Variants in USP47 observed in about 807,000 individuals in gnomAD.
USP47 encodes the protein ubiquitin carboxyl-terminal hydrolase 47.
A neutral mutation model predicts 165.1 loss-of-function variants in USP47; 35 were observed. That is an observed-to-expected ratio of 0.21 (90% CI 0.16 to 0.28). The LOEUF (loss-of-function observed/expected upper bound fraction) is 0.28. Ranked by LOEUF, USP47 falls within the 10% of genes least tolerant of loss-of-function variation. The pLI, the probability that USP47 is intolerant of heterozygous loss-of-function variation, is 1.00. For synonymous variants in USP47, 531 were observed against 544.5 expected (o/e 0.98, Z 0.35); for missense variants, 1,277 against 1,607.4 (o/e 0.79, Z 3.52).
intron 1 of USP47, among the ~76,000 whole-genome samples, chr11:11,849,926 A>C (rs61870712): frequency 0.017 from 2,566 of 152,286 alleles, 34 homozygotes; most frequent in Middle Eastern, 0.034. Flanking sequence ...ATTTTTTCTC[A>C]GAATTTTGAA....
chr11:11,855,410 G>A (rs1045554775), intron 1 of USP47, among the ~76,000 whole-genome samples: 2 of 152,196 alleles, frequency 1.3e-5, no homozygotes, highest in Non-Finnish European at 2.9e-5. Flanking sequence ...GTACTATGAT[G>A]ATGCTTTAAA....
chr11:11,879,258 G>C, intron 1 of USP47, among the ~76,000 whole-genome samples: 1 of 152,120 alleles, frequency 6.6e-6, no homozygotes, highest in South Asian at 2.1e-4. Flanking sequence ...AGGTAGAATT[G>C]ATAGGTTTTG....
At chr11:11,933,780 G>C (rs751266285) in intron 15 of USP47, 51 bp from the exon 16 acceptor site, 1 of 1,283,976 alleles carries the variant, frequency 7.8e-7, no homozygotes, top group African/African-American at 1.5e-5. Context: ...ATCTACGGAA[G>C]AATTGAACTT....
intron 1 of USP47, among the ~76,000 whole-genome samples, chr11:11,874,338 C>A (rs528331086): frequency 1.3e-5 from 2 of 152,028 alleles, no homozygotes; most frequent in African/African-American, 4.8e-5. Flanking sequence ...GTTTTTTCCC[C>A]AGAGTTGCTC....
intron 27 of USP47, 58 bp from the exon 28 acceptor site, chr11:11,955,943 C>G (rs918277670): frequency 7.5e-7 from 1 of 1,341,124 alleles, no homozygotes; most frequent in Non-Finnish European, 1.0e-6. Flanking sequence ...TTCAAGCATA[C>G]ATTAATAGAG....
rs1435866368 is a variant in USP47, at chr11:11,936,334, A to G, written c.1901A>G (p.Asp634Gly). The change falls in exon 17 of 28, where the codon GAT becomes GGT. Residue 634 changes from aspartate to glycine, a missense_variant. Asp to Gly is a moderately conservative substitution (Grantham distance 94). Coordinates refer to ENST00000527733, the MANE Select transcript of USP47 (RefSeq NM_001282659.2). ...MMDLEEVIPLDCCRLVKYDEF... is the reference protein window; with the variant it reads ...MMDLEEVIPLGCCRLVKYDEF... Reference sequence around the variant, plus strand: ...GATTTAGAAGAGGTAATACCCCTGGATTGCTGTCGCCTTGTTAAATATGAT... The same window carrying G: ...GATTTAGAAGAGGTAATACCCCTGGGTTGCTGTCGCCTTGTTAAATATGAT... 6.2e-7 allele frequency: 1 copy of G among 1,603,060 alleles called. No individual in the cohort carries two copies. The highest frequency in any genetic ancestry group is 1.1e-5 in the South Asian group (1 of 89,618).
At chr11:11,855,026 C>G (rs759110176) in intron 1 of USP47, among the ~76,000 whole-genome samples, 8 of 150,438 alleles carry the variant, frequency 5.3e-5, no homozygotes, top group Non-Finnish European at 8.9e-5. Flanking sequence ...ACCCGGGAGG[C>G]GGAGTTTGCA....
At position 11,942,398 on chromosome 11, in the gene USP47, A is replaced by G. The variant is rs1213414061; in HGVS notation, c.2377A>G (p.Lys793Glu). ...GGCCTTTGCAGACTCTCATTTATGG[A>G]AACTCCTGGATCGGCATGCAAATAC... ...QMAFADSHLW[K>E]LLDRHANTIR... Residue 793 changes from lysine (K) to glutamate (E), a missense_variant, in exon 20 of 28, where the codon AAA becomes GAA. Transcript: ENST00000527733. The G allele has an allele frequency of 6.2e-7, 1 of 1,613,296 alleles. No homozygotes were observed. The highest frequency in any genetic ancestry group is 8.5e-7 in the Non-Finnish European group (1 of 1,179,568).
intron 5 of USP47, among the ~76,000 whole-genome samples, chr11:11,900,602 G>A (rs781367657): frequency 4.6e-5 from 7 of 152,144 alleles, no homozygotes; most frequent in Non-Finnish European, 8.8e-5. Context: ...AGAGAACCCC[G>A]GAGGAATCTG....
At chr11:11,929,778 A>G (rs1354732618) in intron 12 of USP47, among the ~76,000 whole-genome samples, 1 of 152,136 alleles carries the variant, frequency 6.6e-6, no homozygotes, top group Non-Finnish European at 1.5e-5. Context: ...CTTGCTGAAT[A>G]TCTCCAGAGA....
intron 3 of USP47, 132 bp downstream of exon 3, chr11:11,884,712 G>T: frequency 3.2e-6 from 2 of 631,540 alleles, no homozygotes; most frequent in Non-Finnish European, 5.4e-6. Flanking sequence ...TTCATTTTAT[G>T]TTGGTTTGTT....
intron 1 of USP47, among the ~76,000 whole-genome samples, chr11:11,876,386 A>T (rs533491390): frequency 1.3e-5 from 2 of 152,268 alleles, no homozygotes; most frequent in East Asian, 3.9e-4. Context: ...CAGCACCATC[A>T]TCATACTTTC....
At chr11:11,859,181 TTTATGTA>T (rs1342544503) in intron 1 of USP47, among the ~76,000 whole-genome samples, 1 of 149,594 alleles carries the variant, frequency 6.7e-6, no homozygotes, top group Non-Finnish European at 1.5e-5. Flanking sequence ...TCCAGCATCC[TTTATGTA>T]TTACATATTT....
chr11:11,889,525 A>G (rs947349951), intron 3 of USP47, among the ~76,000 whole-genome samples: 4 of 152,212 alleles, frequency 2.6e-5, no homozygotes, highest in African/African-American at 4.8e-5. Flanking sequence ...ACCTTCAAGG[A>G]GAACTATAAA....
chr11:11,885,805 G>A (rs777369666), intron 3 of USP47, among the ~76,000 whole-genome samples: 6 of 152,176 alleles, frequency 3.9e-5, no homozygotes, highest in African/African-American at 7.2e-5. Flanking sequence ...GGCTCCCAAC[G>A]GGTTTTCAGC....
chr11:11,885,694 T>C (rs1251595251), intron 3 of USP47, among the ~76,000 whole-genome samples: 2 of 152,130 alleles, frequency 1.3e-5, no homozygotes, highest in Admixed American at 6.5e-5. Flanking sequence ...CATACATAAA[T>C]ACCCCTAGGA....
In USP47 at chr11:11,930,067, AAC is replaced by A; in HGVS notation, c.1546_1547del (p.His516TrpfsTer12). The A allele has an allele frequency of 6.2e-7, 1 of 1,613,474 alleles. No homozygotes were observed. The highest frequency in any genetic ancestry group is 8.5e-7 in the Non-Finnish European group (1 of 1,179,486). On this transcript the variant is annotated frameshift_variant, in exon 13 of 28. Transcript: ENST00000527733. LOFTEE classifies it high-confidence loss of function. ...AGATAACACAAGAGGACATTAAGAA[AAC>A]ACATGGTGGATCTTCAGGAAGCAGA... is the stretch of plus-strand genomic sequence containing the variant. ...SRITQEDIKKTHGGSSGSRGY... is the reference protein window; with the variant it reads ...SRITQEDIKKXHGGSSGSRGY...
chr11:11,930,664 G>T, intron 13 of USP47, 32 bp from the exon 14 acceptor site: 1 of 1,490,802 alleles, frequency 6.7e-7, no homozygotes, highest in Non-Finnish European at 9.2e-7. Flanking sequence ...TCTACTTTTT[G>T]TCCTTATTAA....
At position 11,956,082 on chromosome 11, in the gene USP47, G is replaced by A; in HGVS notation, c.3975G>A (p.Lys1325=). Residue 1325 remains lysine, a synonymous_variant, in exon 28 of 28, where the codon AAG becomes AAA. Coordinates refer to ENST00000527733, the MANE Select transcript of USP47 (RefSeq NM_001282659.2). The stretch of plus-strand genomic sequence containing the variant: ...AAAAAGAAAGCAGTCGACTCCAGAA[G>A]ACTGGACATCGTGTAACATACTCAC... ...LMKKESSRLQ[K]TGHRVTYSPR... is the part of the protein sequence containing the mutation. 6.2e-7 allele frequency: 1 copy of A among 1,611,196 alleles called. No individual in the cohort carries two copies. Among genetic ancestry groups the A allele is most frequent in the Non-Finnish European group, 8.5e-7 (1 of 1,179,190 alleles).
Sources: gnomAD v4.1 joint callset for allele counts (sites outside exome capture counted in the v4.1 genomes callset) on GRCh38, gnomAD v4.1.1 for gene constraint, MANE v1.5 for transcripts, NCBI Gene and HGNC (gene_info 2026-07-23, HGNC 2026-07-21) for gene names.